PTBP3: variants seen among roughly 807,000 people sequenced by gnomAD.
The protein encoded by PTBP3 is polypyrimidine tract binding protein 3.
In PTBP3, 20 loss-of-function variants were observed where a neutral mutation model predicts 58.7. The observed-to-expected ratio is 0.34, with a 90% CI of 0.24 to 0.50. The LOEUF (loss-of-function observed/expected upper bound fraction) is 0.50. PTBP3 is among the 20% of genes least tolerant of loss of function. PTBP3 has a pLI of 0.98. For synonymous variants in PTBP3, 185 were observed against 219.8 expected, an observed-to-expected ratio of 0.84 and a Z score of 1.40; for missense variants, 509 against 637.2, an observed-to-expected ratio of 0.80 and a Z score of 2.17.
intron 1 of PTBP3, among the ~76,000 whole-genome samples, chr9:112,307,622 A>G (rs1829277590): frequency 6.6e-6 from 1 of 152,228 alleles, no homozygotes; most frequent in Non-Finnish European, 1.5e-5. Context: ...AAAGACAAAG[A>G]GAACAAAAGA....
chr9:112,264,543 G>T (rs1260571388), intron 4 of PTBP3, among the ~76,000 whole-genome samples: 1 of 152,074 alleles, frequency 6.6e-6, no homozygotes, highest in Non-Finnish European at 1.5e-5. Context: ...GCTATTCAGA[G>T]AACAAAAAGG....
At chr9:112,331,082 A>AACACACACACACACACAC (rs10660591) in intron 1 of PTBP3, among the ~76,000 whole-genome samples, 3 of 139,434 alleles carry the variant, frequency 2.2e-5, no homozygotes, top group Non-Finnish European at 3.1e-5. Flanking sequence ...GGAGGAAACG[A>AACACACACACACACACAC]ACACACACAC....
intron 1 of PTBP3, among the ~76,000 whole-genome samples, chr9:112,307,885 G>T (rs1270928737): frequency 6.6e-6 from 1 of 152,210 alleles, no homozygotes; most frequent in African/African-American, 2.4e-5. Context: ...TGCGGCACAG[G>T]ATGGCTTTGA....
chr9:112,327,393 C>A (rs1263876907), intron 1 of PTBP3, among the ~76,000 whole-genome samples: 1 of 151,756 alleles, frequency 6.6e-6, no homozygotes, highest in East Asian at 1.9e-4. Context: ...ACCGTTTCTA[C>A]TAAAAATACA....
the PTBP3 span, among the ~76,000 whole-genome samples, chr9:112,369,238 C>T: frequency 6.6e-6 from 1 of 152,198 alleles, no homozygotes; most frequent in Non-Finnish European, 1.5e-5. Context: ...GAGAAGAGGG[C>T]CACCATCCTC....
chr9:112,304,682 T>C (rs1019211178), intron 1 of PTBP3, among the ~76,000 whole-genome samples: 1 of 152,206 alleles, frequency 6.6e-6, no homozygotes, highest in Non-Finnish European at 1.5e-5. Context: ...CCTCACACCT[T>C]GGCCTCCCAT....
chr9:112,239,316 T>G (rs1038441654), intron 7 of PTBP3, among the ~76,000 whole-genome samples: 3 of 152,178 alleles, frequency 2.0e-5, no homozygotes, highest in Non-Finnish European at 2.9e-5. Context: ...ATTAGTAAAC[T>G]GAATAGGCAT....
chr9:112,348,459 G>T, the PTBP3 span, among the ~76,000 whole-genome samples: 1 of 152,176 alleles, frequency 6.6e-6, no homozygotes, highest in Non-Finnish European at 1.5e-5. Flanking sequence ...CAATGAACTG[G>T]TAAGGGAAAA....
intron 8 of PTBP3, 92 bp downstream of exon 8, chr9:112,234,728 T>C (rs1589804307): frequency 8.0e-7 from 1 of 1,248,154 alleles, no homozygotes; most frequent in East Asian, 2.4e-5. Flanking sequence ...TGGTAAATTC[T>C]TCAAATATGA....
upstream of PTBP3, among the ~76,000 whole-genome samples, chr9:112,333,953 C>T (rs1196043220): frequency 2.0e-5 from 3 of 150,754 alleles, no homozygotes; most frequent in African/African-American, 4.9e-5. Context: ...CCTCCCGCGG[C>T]CCCGCGGGCC....
chr9:112,325,298 T>A (rs1193302376), intron 1 of PTBP3, among the ~76,000 whole-genome samples: 1 of 152,092 alleles, frequency 6.6e-6, no homozygotes, highest in African/African-American at 2.4e-5. Flanking sequence ...TAAATCAACG[T>A]GGAGCGGCTC....
the PTBP3 span, among the ~76,000 whole-genome samples, chr9:112,343,649 G>A: frequency 2.6e-5 from 4 of 151,820 alleles, no homozygotes; most frequent in Non-Finnish European, 5.9e-5. Context: ...AAATTAGCTG[G>A]GTGTGGTGGT....
chr9:112,224,324 T>C, intron 12 of PTBP3, 114 bp from the exon 13 acceptor site: 1 of 608,382 alleles, frequency 1.6e-6, no homozygotes, highest in East Asian at 3.1e-5. Flanking sequence ...TATTAAGCCA[T>C]ATGACAAAGA....
At chr9:112,234,694 A>T in intron 8 of PTBP3, 126 bp downstream of exon 8, 1 of 796,002 alleles carries the variant, frequency 1.3e-6, no homozygotes, top group Non-Finnish European at 2.0e-6. Flanking sequence ...CTACACTTCT[A>T]CAGCTGATAT....
chr9:112,379,187 C>CA, the PTBP3 span, among the ~76,000 whole-genome samples: 954 of 152,282 alleles, frequency 6.3e-3, 50 homozygotes, highest in South Asian at 0.13. Context: ...GACTCCGTCT[C>CA]AAAAAACAAA....
At chr9:112,275,103 G>A (rs769702728) in intron 3 of PTBP3, among the ~76,000 whole-genome samples, 8 of 151,274 alleles carry the variant, frequency 5.3e-5, no homozygotes, top group Non-Finnish European at 8.8e-5. Flanking sequence ...GTTTAAATGT[G>A]TTGTGATTTT....
intron 5 of PTBP3, among the ~76,000 whole-genome samples, chr9:112,256,698 A>T (rs1459594438): frequency 1.3e-5 from 2 of 151,624 alleles, no homozygotes; most frequent in Admixed American, 1.3e-4. Flanking sequence ...TAATTTTTAA[A>T]TTTTTTTAGA....
intron 7 of PTBP3, among the ~76,000 whole-genome samples, chr9:112,237,394 G>A (rs1199204754): frequency 1.3e-5 from 2 of 152,082 alleles, no homozygotes; most frequent in African/African-American, 4.8e-5. Flanking sequence ...TTCACATTTG[G>A]AAAATGTACC....
At chr9:112,240,460 T>C (rs779292573) in intron 7 of PTBP3, among the ~76,000 whole-genome samples, 18 of 152,162 alleles carry the variant, frequency 1.2e-4, no homozygotes, top group Non-Finnish European at 1.9e-4. Context: ...TAGTGCAACA[T>C]ATTCCTCATA....
Sources: allele counts gnomAD v4.1 joint callset (sites outside exome capture counted in the v4.1 genomes callset), GRCh38; gene constraint gnomAD v4.1.1; transcripts MANE v1.5; gene names NCBI Gene and HGNC (gene_info 2026-07-23, HGNC 2026-07-21).